The following ZPBP2 variants were observed in gnomAD, a reference collection of about 807,000 sequenced individuals.
ZPBP2 encodes zona pellucida binding protein 2.
In ZPBP2, 34 loss-of-function variants were observed where a neutral mutation model predicts 37.5. The observed-to-expected ratio is 0.91, with a 90% CI of 0.69 to 1.21. The LOEUF (loss-of-function observed/expected upper bound fraction) is 1.21. ZPBP2 is among the 50% of genes most tolerant of loss of function. The pLI, the probability that ZPBP2 is intolerant of heterozygous loss-of-function variation, is 0.00. For missense variants in ZPBP2, 397 were observed against 413.5 expected (o/e 0.96, Z 0.35); for synonymous variants, 143 against 138.4 (o/e 1.03, Z -0.23).
chr17:39,875,169 A>G, intron 6 of ZPBP2, 85 bp from the exon 7 acceptor site: 2 of 1,222,258 alleles, frequency 1.6e-6, no homozygotes, highest in South Asian at 1.5e-5. Context: ...GCATGCTTAC[A>G]GTACATTATT....
intron 2 of ZPBP2, among the ~76,000 whole-genome samples, chr17:39,869,375 A>ATCTT (rs986290716): frequency 6.6e-5 from 8 of 120,966 alleles, no homozygotes; most frequent in East Asian, 4.7e-4. Flanking sequence ...ATGATCATCT[A>ATCTT]TCTTTCTTTC....
At chr17:39,875,864 G>A (rs917050430) in intron 7 of ZPBP2, among the ~76,000 whole-genome samples, 1 of 147,542 alleles carries the variant, frequency 6.8e-6, no homozygotes, top group African/African-American at 2.5e-5. Flanking sequence ...TTATAGGTGT[G>A]GGCTACCATG....
At position 39,871,535 on chromosome 17, in the gene ZPBP2, CTT is replaced by C; in HGVS notation, c.318_319del (p.Tyr107HisfsTer7). The C allele has an allele frequency of 6.2e-7, 1 of 1,609,550 alleles. No homozygotes were observed. Among genetic ancestry groups the C allele is most frequent in the Non-Finnish European group, 8.5e-7 (1 of 1,177,958 alleles). On this transcript the variant is annotated frameshift_variant, in exon 4 of 8. Transcript: ENST00000348931. LOFTEE classifies it high-confidence loss of function. ...AGATTTTTTGGAGCCTTTGTCTGGACTTTACACATGTACTCTTTCTTATAAGA... is the reference window on the plus strand; with the variant it reads ...AGATTTTTTGGAGCCTTTGTCTGGACTACACATGTACTCTTTCTTATAAGA... ...VKDFLEPLSG[L>X]YTCTLSYKTV...
chr17:39,875,400 T>C lies in ZPBP2; in HGVS notation c.855T>C (p.Asn285=). 6.2e-7 allele frequency: 1 copy of C among 1,613,494 alleles called. No homozygotes were observed. ...GCTGTCGACCAGGCTTTGGAAAAAA[T>C]GAACGTCTACACAGTAATTGCGCTA... ...LDSCRPGFGK[N]ERLHSNCASC... is the part of the protein sequence containing the mutation. Residue 285 remains asparagine, a synonymous_variant, in exon 7 of 8, where the codon AAT becomes AAC. Transcript: ENST00000348931.
At chr17:39,875,105 A>G (rs1035802853) in intron 6 of ZPBP2, 149 bp from the exon 7 acceptor site, 3 of 672,842 alleles carry the variant, frequency 4.5e-6, no homozygotes, top group Non-Finnish European at 7.3e-6. Flanking sequence ...GTCAAAGCTA[A>G]CTAATTTTGG....
chr17:39,871,443 G>A (rs2063364092), intron 3 of ZPBP2, 21 bp from the exon 4 acceptor site: 2 of 1,501,416 alleles, frequency 1.3e-6, no homozygotes, highest in East Asian at 2.3e-5. Flanking sequence ...TGTTAAATAA[G>A]TAATTTACTA....
intron 7 of ZPBP2, among the ~76,000 whole-genome samples, chr17:39,875,655 G>T (rs1372653634): frequency 6.6e-6 from 1 of 150,812 alleles, no homozygotes; most frequent in Non-Finnish European, 1.5e-5. Flanking sequence ...CTGGAGTGCA[G>T]TGGCGTCATC....
chr17:39,875,944 T>G (rs2063388757), intron 7 of ZPBP2, among the ~76,000 whole-genome samples: 1 of 99,592 alleles, frequency 1.0e-5, no homozygotes. Context: ...TTACCCAGGC[T>G]GCAGTGCAGT....
chr17:39,868,657 G>C, intron 2 of ZPBP2, 43 bp downstream of exon 2: 1 of 1,609,194 alleles, frequency 6.2e-7, no homozygotes, highest in African/African-American at 1.3e-5. Context: ...GGAGGGGCCG[G>C]AACTGCGAAG....
At position 39,875,426 on chromosome 17, in the gene ZPBP2, G is replaced by A. The variant is rs1939781764; in HGVS notation, c.881G>A (p.Ser294Asn). Residue 294 changes from serine (S) to asparagine (N), a missense_variant, in exon 7 of 8, where the codon AGC (serine) becomes AAC (asparagine). By Grantham distance (46) the Ser-to-Asn change is conservative. Transcript: ENST00000348931. The stretch of plus-strand genomic sequence containing the variant: ...GAACGTCTACACAGTAATTGCGCTA[G>A]CTGTTGTGGTAACTATAAAATATAA... ...KNERLHSNCASCCVVCSPATF... is the reference protein window; with the variant it reads ...KNERLHSNCANCCVVCSPATF... 1 of 1,595,762 alleles carries A rather than the reference G, an allele frequency of 6.3e-7. No homozygotes were observed. The highest frequency in any genetic ancestry group is 8.5e-7 in the Non-Finnish European group (1 of 1,173,880).
In ZPBP2 at chr17:39,870,758, TA is replaced by T; in HGVS notation, c.189del (p.Glu64LysfsTer2). 3 of 1,573,166 alleles carry T rather than the reference TA, an allele frequency of 1.9e-6. No individual in the cohort carries two copies. Among genetic ancestry groups the T allele is most frequent in the South Asian group, 1.2e-5 (1 of 83,886 alleles). ...TTATCTGTATGGATTTTAAGCTTTCTAAAAAAGAAATAGTGGACCCCACCTA... is the reference window on the plus strand; with the variant it reads ...TTATCTGTATGGATTTTAAGCTTTCTAAAAAGAAATAGTGGACCCCACCTA... ...VLICMDFKLSKKEIVDPTYLW... is the reference protein window; with the variant it reads ...VLICMDFKLSXKEIVDPTYLW... On this transcript the variant is annotated frameshift_variant, in exon 3 of 8. Coordinates refer to ENST00000348931, the MANE Select transcript of ZPBP2 (RefSeq NM_199321.3). LOFTEE classifies it high-confidence loss of function.
Position 39,869,313 on chromosome 17 carries a change from TTC to T in ZPBP2, c.118+700_118+701del, listed in dbSNP as rs537777379. Among the ~76,000 whole-genome samples, 71 of 152,232 alleles carry T rather than the reference TTC, an allele frequency of 4.7e-4. 2 individuals carry two copies. The South Asian group carries it at 0.012, about 26-fold the overall frequency. ...TATGCCCAGATAGGCTTAATTATTGTTCCCAATGGAGAAAATTTACAGTTAAA... is the reference window on the plus strand; with the variant it reads ...TATGCCCAGATAGGCTTAATTATTGTCCAATGGAGAAAATTTACAGTTAAA... On this transcript the variant is annotated intron_variant, in intron 2 of 7. Transcript: ENST00000348931.
chr17:39,876,563 A>G (rs1024037414), intron 7 of ZPBP2, 119 bp from the exon 8 acceptor site: 48 of 1,065,466 alleles, frequency 4.5e-5, no homozygotes, highest in Non-Finnish European at 6.2e-5. Context: ...GGTATAATAT[A>G]GGTACTGAAA....
intron 6 of ZPBP2, among the ~76,000 whole-genome samples, chr17:39,874,135 A>G (rs1475420252): frequency 2.0e-5 from 3 of 151,630 alleles, no homozygotes; most frequent in Non-Finnish European, 4.4e-5. Flanking sequence ...AAAGGTGCAC[A>G]CCACCACACC....
chr17:39,872,013 T>C (rs9916369), intron 4 of ZPBP2, among the ~76,000 whole-genome samples: 4,790 of 152,244 alleles, frequency 0.031, 256 homozygotes, highest in African/African-American at 0.11. Flanking sequence ...TTGATACTGT[T>C]ATCTGTATAG....
At chr17:39,870,960 A>C in intron 3 of ZPBP2, 141 bp downstream of exon 3, 1 of 795,478 alleles carries the variant, frequency 1.3e-6, no homozygotes, top group South Asian at 3.9e-5. Flanking sequence ...ATCATGTTAT[A>C]TTTTGGCCAC....
chr17:39,876,587 A>C (rs1001594097), intron 7 of ZPBP2, 95 bp from the exon 8 acceptor site: 71 of 1,406,210 alleles, frequency 5.0e-5, no homozygotes, highest in Non-Finnish European at 6.8e-5. Context: ...TATGATATTA[A>C]AGGCAGATTT....
At chr17:39,875,555 T>A in intron 7 of ZPBP2, 121 bp downstream of exon 7, 1 of 769,350 alleles carries the variant, frequency 1.3e-6, no homozygotes, top group Non-Finnish European at 1.8e-6. Context: ...AAAATATATA[T>A]ATATTTAGCT....
At position 39,875,398 on chromosome 17, in the gene ZPBP2, A is replaced by C; in HGVS notation, c.853A>C (p.Asn285His). The C allele has an allele frequency of 6.2e-7, 1 of 1,613,584 alleles. No individual in the cohort carries two copies. Among genetic ancestry groups the C allele is most frequent in the Non-Finnish European group, 8.5e-7 (1 of 1,179,838 alleles). ...TAGCTGTCGACCAGGCTTTGGAAAA[A>C]ATGAACGTCTACACAGTAATTGCGC... ...LDSCRPGFGK[N>H]ERLHSNCASC... is the part of the protein sequence containing the mutation. The change falls in exon 7 of 8, where the codon AAT (asparagine) becomes CAT (histidine). Residue 285 changes from asparagine to histidine, a missense_variant. Asn to His is a moderately conservative substitution (Grantham distance 68). Transcript: ENST00000348931.
Sources: gnomAD v4.1 joint callset for allele counts (sites outside exome capture counted in the v4.1 genomes callset) on GRCh38, gnomAD v4.1.1 for gene constraint, MANE v1.5 for transcripts, NCBI Gene and HGNC (gene_info 2026-07-23, HGNC 2026-07-21) for gene names.